EPG5: variants seen among roughly 807,000 people sequenced by gnomAD.
The protein encoded by EPG5 is ectopic P granules protein 5 homolog.
Under a neutral mutation model 302.7 loss-of-function variants are expected in EPG5, and 159 were observed. The ratio of observed to expected loss-of-function variants is 0.53; its 90% CI spans 0.46 to 0.60. The LOEUF (loss-of-function observed/expected upper bound fraction) is 0.60. Among genes scored for constraint, EPG5 ranks in the 20% least tolerant of loss-of-function variants. The pLI, the probability that EPG5 is intolerant of heterozygous loss-of-function variation, is 0.00. For missense variants in EPG5, 2,896 were observed against 3,092.4 expected, an observed-to-expected ratio of 0.94 and a Z score of 1.51; for synonymous variants, 1,158 against 1,136.8, an observed-to-expected ratio of 1.02 and a Z score of -0.37.
intron 30 of EPG5, 84 bp from the exon 31 acceptor site, chr18:45,882,571 T>A: frequency 9.0e-7 from 1 of 1,115,512 alleles, no homozygotes; most frequent in Non-Finnish European, 1.3e-6. Flanking sequence ...AAATTTAGTT[T>A]AAAAGCCAAA....
intron 10 of EPG5, among the ~76,000 whole-genome samples, chr18:45,937,371 C>T (rs9959893): frequency 0.16 from 23,520 of 150,048 alleles, 2,669 homozygotes; most frequent in East Asian, 0.29. Context: ...TACACACACA[C>T]ATATATATAC....
chr18:45,840,217 T>TGGACACCCC, the EPG5 span: 1 of 1,613,128 alleles, frequency 6.2e-7, no homozygotes, highest in Non-Finnish European at 8.5e-7. Context: ...ACAGAGCATC[T>TGGACACCCC]GGACACCCCG....
chr18:45,918,595 G>A (rs1021618398), intron 16 of EPG5, among the ~76,000 whole-genome samples: 3 of 152,068 alleles, frequency 2.0e-5, no homozygotes, highest in Admixed American at 1.3e-4. Flanking sequence ...CATATAAAGA[G>A]GCGCTTTTCA....
chr18:45,923,895 G>A (rs962299180), intron 14 of EPG5, among the ~76,000 whole-genome samples: 1 of 152,046 alleles, frequency 6.6e-6, no homozygotes, highest in Non-Finnish European at 1.5e-5. Flanking sequence ...AAGTACGGTG[G>A]TGCACGCCTG....
chr18:45,804,567 G>A, the EPG5 span, among the ~76,000 whole-genome samples: 1 of 152,142 alleles, frequency 6.6e-6, no homozygotes, highest in Non-Finnish European at 1.5e-5. Flanking sequence ...AATGACTGTT[G>A]ATTTCTTATA....
At chr18:45,897,871 A>C (rs1391637547) in intron 27 of EPG5, among the ~76,000 whole-genome samples, 1 of 152,360 alleles carries the variant, frequency 6.6e-6, no homozygotes, top group East Asian at 1.9e-4. Context: ...AAATTAGCAA[A>C]AAAAGAAGGG....
intron 26 of EPG5, among the ~76,000 whole-genome samples, chr18:45,900,362 A>G (rs1293590270): frequency 2.0e-5 from 3 of 147,564 alleles, no homozygotes; most frequent in Non-Finnish European, 4.4e-5. Flanking sequence ...AGATCATGCC[A>G]CTGCACCACT....
intron 1 of EPG5, among the ~76,000 whole-genome samples, chr18:45,965,228 A>G (rs1403153201): frequency 8.3e-6 from 1 of 120,610 alleles, no homozygotes; most frequent in Non-Finnish European, 1.7e-5. Context: ...GTTCTCACTT[A>G]TAAGTGGGAG....
rs759467055 is a variant in EPG5, at chr18:45,855,595, T to C, written c.7535A>G (p.His2512Arg). 7 of 1,613,908 alleles carry C rather than the reference T, an allele frequency of 4.3e-6. No individual in the cohort carries two copies. Among genetic ancestry groups the C allele is most frequent in the African/African-American group, 1.3e-5 (1 of 74,912 alleles). ...GACCTGCTGAGCTTTGGGGGTCAGA[T>C]GTAATTCAGAGCCAGGCCTCAAACG... ...QIRLRPGSEL[H>R]LTPKAQQALN... Residue 2512 changes from histidine to arginine, a missense_variant, in exon 43 of 44, where the codon CAT becomes CGT. Coordinates refer to ENST00000282041, the MANE Select transcript of EPG5 (RefSeq NM_020964.3).
At position 45,943,994 on chromosome 18, in the gene EPG5, A is replaced by C. The variant is rs747103473; in HGVS notation, c.1792+11T>G. The C allele has an allele frequency of 6.5e-7, 1 of 1,549,890 alleles. No individual in the cohort carries two copies. The highest frequency in any genetic ancestry group is 1.7e-5 in the Admixed American group (1 of 59,916). The stretch of plus-strand genomic sequence containing the variant: ...ACTACCACATTTTACACTTAAGAGA[A>C]ATGAGTCTACCTTTTGCTTTAAACC... On this transcript the variant is annotated intron_variant, in intron 8 of 43. Coordinates refer to ENST00000282041, the MANE Select transcript of EPG5 (RefSeq NM_020964.3).
rs1893523 is a variant in EPG5 at position 45,901,110 on chromosome 18, G to A, written c.4532C>T (p.Ala1511Val). 293,148 of 1,613,770 alleles carry A rather than the reference G, an allele frequency of 0.18. 32,642 individuals are homozygous for A. Among genetic ancestry groups the A allele is most frequent in the African/African-American group, 0.41 (31,040 of 74,924 alleles). ...RKHEAPQPPL[A>V]LHPTKPPVPV... The stretch of plus-strand genomic sequence containing the variant: ...CACAGGAGGCTTCGTCGGGTGCAGA[G>A]CAAGGGGAGGCTGGGGAGCCTCATG... Residue 1511 changes from alanine to valine, a missense_variant, in exon 26 of 44, where the codon GCT becomes GTT. By Grantham distance (64) the Ala-to-Val change is moderately conservative (BLOSUM62 0). Transcript: ENST00000282041.
At chr18:45,957,439 AC>A (rs1380278376) in intron 1 of EPG5, among the ~76,000 whole-genome samples, 1 of 152,234 alleles carries the variant, frequency 6.6e-6, no homozygotes. Context: ...TGTTAATAAA[AC>A]AAAAAAGCAA....
Position 45,936,847 on chromosome 18 carries a change from C to T in EPG5, c.2100-1881G>A, listed in dbSNP as rs189384557. Among the ~76,000 whole-genome samples the T allele has an allele frequency of 4.8e-5, 7 of 145,136 alleles. No individual in the cohort carries two copies. In the East Asian group the frequency reaches 1.2e-3, roughly 25 times the overall value. On this transcript the variant is annotated intron_variant, in intron 10 of 43. Coordinates refer to ENST00000282041, the MANE Select transcript of EPG5 (RefSeq NM_020964.3). Reference sequence around the variant, plus strand: ...AGCTGTTGCCGTATTTGAGAAACAACTACTACAAATCATCCAATTACAAAT... The same window carrying T: ...AGCTGTTGCCGTATTTGAGAAACAATTACTACAAATCATCCAATTACAAAT...
the EPG5 span, among the ~76,000 whole-genome samples, chr18:45,808,491 AC>A: frequency 6.6e-6 from 1 of 152,214 alleles, no homozygotes; most frequent in South Asian, 2.1e-4. Flanking sequence ...GCACTAGGTA[AC>A]CTATAAAGGA....
At chr18:45,814,420 T>G in the EPG5 span, among the ~76,000 whole-genome samples, 1 of 152,228 alleles carries the variant, frequency 6.6e-6, no homozygotes, top group South Asian at 2.1e-4. Context: ...AATTTGATCC[T>G]GGATTGGATC....
At chr18:45,832,445 G>C in the EPG5 span, among the ~76,000 whole-genome samples, 1 of 150,346 alleles carries the variant, frequency 6.7e-6, no homozygotes, top group Non-Finnish European at 1.5e-5. Flanking sequence ...TATATAACTT[G>C]CCCAAAGATC....
At position 45,929,001 on chromosome 18, in the gene EPG5, A is replaced by G. The variant is rs994782777; in HGVS notation, c.2421T>C (p.Tyr807=). 1.3e-5 allele frequency: 21 copies of G among 1,613,768 alleles called. No individual in the cohort carries two copies. The highest frequency in any genetic ancestry group is 1.7e-5 in the Non-Finnish European group (20 of 1,179,878). ...IIVLEIYEVS[Y]VTLSTRETFS... is the part of the protein sequence containing the mutation. The stretch of plus-strand genomic sequence containing the variant: ...AAGTCTCTCTGGTAGACAAGGTGAC[A>G]TAAGATACCTAAATGGGGGGAAGGG... Residue 807 remains tyrosine, a synonymous_variant, in exon 13 of 44, where the codon TAT becomes TAC. Transcript: ENST00000282041.
At chr18:45,855,962 T>C (rs1270933335) in intron 42 of EPG5, among the ~76,000 whole-genome samples, 1 of 152,200 alleles carries the variant, frequency 6.6e-6, no homozygotes, top group Non-Finnish European at 1.5e-5. Flanking sequence ...GGAATGTAAA[T>C]GGTGCAGGCA....
chr18:45,855,449 AG>A, intron 43 of EPG5, 123 bp downstream of exon 43: 1 of 639,176 alleles, frequency 1.6e-6, no homozygotes, highest in Non-Finnish European at 2.7e-6. Flanking sequence ...GGCACATGAA[AG>A]GGAACACTGT....
Sources: allele counts gnomAD v4.1 joint callset (sites outside exome capture counted in the v4.1 genomes callset), GRCh38; gene constraint gnomAD v4.1.1; transcripts MANE v1.5; gene names NCBI Gene and HGNC (gene_info 2026-07-23, HGNC 2026-07-21).